The following EIF2B3 variants were observed in gnomAD, a reference collection of about 807,000 sequenced individuals.
EIF2B3 encodes the protein eukaryotic translation initiation factor 2B subunit gamma.
In EIF2B3, 20 loss-of-function variants were observed where a neutral mutation model predicts 54.1. That is an observed-to-expected ratio of 0.37 (90% CI 0.26 to 0.54). EIF2B3 has a LOEUF of 0.54. EIF2B3 is among the 20% of genes least tolerant of loss of function. The pLI, the probability that EIF2B3 is intolerant of heterozygous loss-of-function variation, is 0.86. For missense variants in EIF2B3, 448 were observed against 547.8 expected, an observed-to-expected ratio of 0.82 and a Z score of 1.82; for synonymous variants, 153 against 188.1, an observed-to-expected ratio of 0.81 and a Z score of 1.52.
rs74325626 is a variant in EIF2B3, at chr1:44,944,212, T to A, written c.295-2547A>T. ...TAGCACATGCCTGTAATCCCAGAGG[T>A]GCCTCAGGGAAAGGCAGGTTCTGAT... On this transcript the variant is annotated intron_variant, in intron 3 of 11. Transcript: ENST00000360403. Among the ~76,000 whole-genome samples, 850 of 152,236 alleles carry A rather than the reference T, an allele frequency of 5.6e-3. 37 individuals carry two copies. The East Asian group carries it at 0.12, about 21-fold the overall frequency.
chr1:44,969,048 G>A (rs1380058024), intron 3 of EIF2B3, among the ~76,000 whole-genome samples: 1 of 152,136 alleles, frequency 6.6e-6, no homozygotes, highest in Admixed American at 6.6e-5. Flanking sequence ...TTAGAAATAA[G>A]CTTCAGACAA....
rs746865890 is a variant in EIF2B3, at chr1:44,958,810, T to C, written c.295-17145A>G. ...TTGGCAGGACTGCGACAAGAGATCGTGTTGGACGTTAGCTCCTGAGCAGTG... is the reference window on the plus strand; with the variant it reads ...TTGGCAGGACTGCGACAAGAGATCGCGTTGGACGTTAGCTCCTGAGCAGTG... On this transcript the variant is annotated intron_variant, in intron 3 of 11. Transcript: ENST00000360403. 6.1e-5 allele frequency: 73 copies of C among 1,189,258 alleles called. No individual in the cohort carries two copies. In the East Asian group the frequency reaches 1.7e-3, roughly 28 times the overall value. The allele number at this position is 1,189,258 out of a possible 1,614,324, so 73.7% of individuals were successfully genotyped here.
intron 3 of EIF2B3, among the ~76,000 whole-genome samples, chr1:44,965,919 T>C (rs10218751): frequency 0.16 from 24,347 of 151,692 alleles, 2,024 homozygotes; most frequent in Non-Finnish European, 0.17. Context: ...GGATTACAGG[T>C]GTGAGCCACC....
chr1:44,867,916 T>C (rs1654834629), intron 10 of EIF2B3, among the ~76,000 whole-genome samples: 1 of 145,856 alleles, frequency 6.9e-6, no homozygotes, highest in African/African-American at 2.5e-5. Flanking sequence ...CACACGCCCA[T>C]AGTCCCAGCT....
chr1:44,960,611 C>A (rs1300386148), intron 3 of EIF2B3, among the ~76,000 whole-genome samples: 5 of 151,568 alleles, frequency 3.3e-5, no homozygotes, highest in African/African-American at 1.2e-4. Flanking sequence ...GCACTCCAGC[C>A]TGGGCAACAC....
intron 3 of EIF2B3, among the ~76,000 whole-genome samples, chr1:44,946,444 C>CTTTTTTTTTT (rs758880130): frequency 0.18 from 24,733 of 139,166 alleles, 3,122 homozygotes; most frequent in African/African-American, 0.34. Context: ...TTCATAATAC[C>CTTTTTTTTTT]TTTTTTTTTT....
At chr1:44,853,994 G>GTTTTTTT (rs113200962) in intron 11 of EIF2B3, among the ~76,000 whole-genome samples, 8 of 137,508 alleles carry the variant, frequency 5.8e-5, no homozygotes, top group African/African-American at 8.5e-5. Context: ...AGCAGTTAGT[G>GTTTTTTT]TTTTTTTTTT....
intron 3 of EIF2B3, among the ~76,000 whole-genome samples, chr1:44,971,333 G>A (rs192639221): frequency 2.7e-5 from 4 of 147,964 alleles, no homozygotes; most frequent in Non-Finnish European, 4.4e-5. Context: ...CAGTGAGCCC[G>A]CACTCCAGCC....
intron 3 of EIF2B3, among the ~76,000 whole-genome samples, chr1:44,945,458 G>A (rs1191664891): frequency 6.6e-6 from 1 of 151,742 alleles, no homozygotes; most frequent in Non-Finnish European, 1.5e-5. Flanking sequence ...GGAGGCTGAG[G>A]CAGGAGAATG....
rs142231890 is a variant in EIF2B3, at chr1:44,973,075, T to C, written c.294+5240A>G. On this transcript the variant is annotated intron_variant, in intron 3 of 11. Transcript: ENST00000360403. ...ACAAGAAAAGAAAGAGAGAAAGAGGTTGGAGCCCTTGTACACTGTTGGTGG... is the reference window on the plus strand; with the variant it reads ...ACAAGAAAAGAAAGAGAGAAAGAGGCTGGAGCCCTTGTACACTGTTGGTGG... Among the ~76,000 whole-genome samples the C allele has an allele frequency of 5.1e-4, 78 of 152,156 alleles. 1 individual carries two copies. The highest frequency in any genetic ancestry group is 1.1e-3 in the Admixed American group (17 of 15,278).
At chr1:44,974,428 C>T (rs967725162) in intron 3 of EIF2B3, among the ~76,000 whole-genome samples, 7 of 147,794 alleles carry the variant, frequency 4.7e-5, no homozygotes, top group Non-Finnish European at 1.0e-4. Flanking sequence ...GAGCCGTGAT[C>T]GAGCCACTGC....
intron 4 of EIF2B3, among the ~76,000 whole-genome samples, chr1:44,928,301 G>A (rs1472722177): frequency 3.3e-5 from 5 of 151,816 alleles, no homozygotes; most frequent in African/African-American, 9.7e-5. Context: ...AAAATCAGCT[G>A]CCGAGTGTGG....
At chr1:44,853,994 G>GTTTTTTTTTTTTTTTTTT (rs113200962) in intron 11 of EIF2B3, among the ~76,000 whole-genome samples, 1 of 137,474 alleles carries the variant, frequency 7.3e-6, no homozygotes, top group Non-Finnish European at 1.5e-5. Context: ...AGCAGTTAGT[G>GTTTTTTTTTTTTTTTTTT]TTTTTTTTTT....
intron 10 of EIF2B3, among the ~76,000 whole-genome samples, chr1:44,866,308 G>A: frequency 6.6e-6 from 1 of 150,962 alleles, no homozygotes; most frequent in Non-Finnish European, 1.5e-5. Flanking sequence ...TGAGGCTGGA[G>A]AACTGCTTAA....
chr1:44,901,761 A>G (rs1044521281), intron 5 of EIF2B3, among the ~76,000 whole-genome samples: 1 of 151,376 alleles, frequency 6.6e-6, no homozygotes, highest in Non-Finnish European at 1.5e-5. Context: ...GGGTTTTGCC[A>G]TGTTCCCCAG....
intron 3 of EIF2B3, chr1:44,970,146 T>C (rs1644385437): frequency 1.3e-5 from 2 of 152,140 alleles, no homozygotes; most frequent in African/African-American, 4.8e-5. Context: ...CCAAATGAAA[T>C]ATGTGTCCTT....
chr1:44,927,318 G>C (rs1485749288), intron 4 of EIF2B3, among the ~76,000 whole-genome samples: 1 of 152,120 alleles, frequency 6.6e-6, no homozygotes, highest in African/African-American at 2.4e-5. Flanking sequence ...GGAAGCCTCA[G>C]GGAACTTTTT....
intron 5 of EIF2B3, among the ~76,000 whole-genome samples, chr1:44,922,057 C>A (rs1478085049): frequency 6.6e-6 from 1 of 151,214 alleles, no homozygotes; most frequent in African/African-American, 2.4e-5. Context: ...CAGGCGCCCA[C>A]AACCACGCTC....
chr1:44,924,812 T>A (rs1269315121), intron 5 of EIF2B3: 1 of 152,212 alleles, frequency 6.6e-6, no homozygotes, highest in African/African-American at 2.4e-5. Flanking sequence ...TAAGAAAATT[T>A]CTTCTGTTTC....
Sources: gnomAD v4.1 joint callset for allele counts (sites outside exome capture counted in the v4.1 genomes callset) on GRCh38, gnomAD v4.1.1 for gene constraint, MANE v1.5 for transcripts, NCBI Gene and HGNC (gene_info 2026-07-23, HGNC 2026-07-21) for gene names.